Variants in CLYBL observed in about 807,000 individuals in gnomAD.
The protein encoded by CLYBL is citramalyl-CoA lyase, mitochondrial.
CLYBL carries 31 observed loss-of-function variants against 38.9 expected under a neutral mutation model. The ratio of observed to expected loss-of-function variants is 0.80; its 90% CI spans 0.60 to 1.08. The LOEUF is 1.08. Among genes scored for constraint, CLYBL ranks in the 50% least tolerant of loss-of-function variants. CLYBL has a pLI of 0.00. For missense variants in CLYBL, 434 were observed against 411.6 expected (o/e 1.05, Z -0.47); for synonymous variants, 171 against 158.6 (o/e 1.08, Z -0.59).
intron 1 of CLYBL, chr13:99,643,250 C>G (rs932049811): frequency 2.0e-5 from 3 of 152,668 alleles, no homozygotes; most frequent in African/African-American, 7.2e-5. Flanking sequence ...TGCCTCACTG[C>G]TCCGGTGCCA....
downstream of CLYBL, chr13:99,893,076 A>G (rs1297800768): frequency 6.6e-6 from 1 of 152,306 alleles, no homozygotes; most frequent in East Asian, 1.9e-4. Context: ...GAGATGGCAC[A>G]TGCTCCGTGG....
At chr13:99,794,581 T>TTTATTATTATTA (rs1221444900) in intron 2 of CLYBL, among the ~76,000 whole-genome samples, 41,980 of 143,654 alleles carry the variant, frequency 0.29, 7,478 homozygotes, top group Non-Finnish European at 0.41. Context: ...TATATTTTCA[T>TTTATTATTATTA]TTATTATTAT....
chr13:99,824,682 T>C (rs117372177), intron 2 of CLYBL, among the ~76,000 whole-genome samples: 2,187 of 152,224 alleles, frequency 0.014, 37 homozygotes, highest in African/African-American at 0.046. Context: ...TATCTCAGTC[T>C]GCACAAGTTT....
intron 1 of CLYBL, among the ~76,000 whole-genome samples, chr13:99,696,685 C>T (rs185117431): frequency 3.4e-4 from 51 of 151,908 alleles, no homozygotes; most frequent in Admixed American, 1.4e-3. Context: ...TAGCTTGTGC[C>T]TATAATCTCA....
intron 1 of CLYBL, among the ~76,000 whole-genome samples, chr13:99,633,210 CAA>C (rs59801603): frequency 0.093 from 5,757 of 61,934 alleles, 48 homozygotes; most frequent in Admixed American, 0.12. Context: ...GATCCTGTCT[CAA>C]AAAAAAAAAA....
chr13:99,828,485 A>T (rs1296186457), intron 2 of CLYBL, among the ~76,000 whole-genome samples: 1 of 152,236 alleles, frequency 6.6e-6, no homozygotes, highest in Non-Finnish European at 1.5e-5. Context: ...CTAAAATGGT[A>T]TCATTTCCTA....
intron 1 of CLYBL, among the ~76,000 whole-genome samples, chr13:99,688,594 G>A (rs185481772): frequency 1.7e-3 from 254 of 150,546 alleles, no homozygotes; most frequent in Non-Finnish European, 1.8e-3. Flanking sequence ...TCTTTAGTCC[G>A]ATTCTTTTTT....
chr13:99,659,941 A>G (rs1208403436), intron 1 of CLYBL, among the ~76,000 whole-genome samples: 2 of 152,164 alleles, frequency 1.3e-5, no homozygotes, highest in African/African-American at 4.8e-5. Flanking sequence ...GCATAATATC[A>G]CCTGGATTTA....
chr13:99,778,718 T>C (rs543622068), intron 2 of CLYBL, among the ~76,000 whole-genome samples: 1 of 152,194 alleles, frequency 6.6e-6, no homozygotes, highest in African/African-American at 2.4e-5. Flanking sequence ...CATGAGGAGG[T>C]GTGGGGCTGT....
chr13:99,888,007 G>A (rs959710276), intron 7 of CLYBL, among the ~76,000 whole-genome samples: 1 of 151,940 alleles, frequency 6.6e-6, no homozygotes, highest in African/African-American at 2.4e-5. Context: ...AGGCACCCAC[G>A]ACCATGCCCA....
chr13:99,875,197 A>G (rs1201719017), intron 7 of CLYBL, among the ~76,000 whole-genome samples: 1 of 152,216 alleles, frequency 6.6e-6, no homozygotes, highest in Non-Finnish European at 1.5e-5. Context: ...CAAGATCACT[A>G]CCTGGCCTAA....
At chr13:99,750,919 C>T (rs555221304) in intron 1 of CLYBL, among the ~76,000 whole-genome samples, 2 of 151,982 alleles carry the variant, frequency 1.3e-5, no homozygotes, top group East Asian at 1.9e-4. Flanking sequence ...TGGAAATGTA[C>T]GATGATATAG....
At chr13:99,690,863 T>C (rs1017341497) in intron 1 of CLYBL, 7 of 152,238 alleles carry the variant, frequency 4.6e-5, no homozygotes, top group Non-Finnish European at 1.0e-4. Context: ...AAAAAAGTTA[T>C]TTGAATAACA....
chr13:99,857,269 T>G (rs1440903951), intron 2 of CLYBL, among the ~76,000 whole-genome samples: 1 of 151,980 alleles, frequency 6.6e-6, no homozygotes, highest in Non-Finnish European at 1.5e-5. Context: ...GAGCCGAGAT[T>G]GCGCCACTGC....
intron 2 of CLYBL, among the ~76,000 whole-genome samples, chr13:99,854,701 T>G (rs974327532): frequency 6.6e-6 from 1 of 152,158 alleles, no homozygotes; most frequent in African/African-American, 2.4e-5. Flanking sequence ...GGGTGCCAAT[T>G]GAACCAACTG....
intron 2 of CLYBL, among the ~76,000 whole-genome samples, chr13:99,811,799 A>G (rs908592502): frequency 6.6e-6 from 1 of 152,190 alleles, no homozygotes; most frequent in African/African-American, 2.4e-5. Context: ...CCTGGGGGCT[A>G]TTCCATTTTG....
intron 1 of CLYBL, among the ~76,000 whole-genome samples, chr13:99,675,034 G>T (rs1340407941): frequency 6.6e-6 from 1 of 152,162 alleles, no homozygotes; most frequent in Admixed American, 6.5e-5. Flanking sequence ...AACATAGCCA[G>T]ACCAGACCCT....
At position 99,772,855 on chromosome 13, in the gene CLYBL, C is replaced by T. The variant is rs1399596375; in HGVS notation, c.94C>T (p.Leu32Phe). Residue 32 changes from leucine (L) to phenylalanine (F), a missense_variant, in exon 2 of 9, where the codon CTT becomes TTT. Physicochemically the swap from Leu to Phe is conservative, Grantham distance 22. Coordinates refer to ENST00000339105, the MANE Select transcript of CLYBL (RefSeq NM_206808.5). Reference sequence around the variant, plus strand: ...GTCTCTAGCAGCTGATATCCCCAGACTTGGATATAGTTCCTCATCCCATCA... The same window carrying T: ...GTCTCTAGCAGCTGATATCCCCAGATTTGGATATAGTTCCTCATCCCATCA... ...KASLAADIPR[L>F]GYSSSSHHKY... 63 of 1,610,134 alleles carry T rather than the reference C, an allele frequency of 3.9e-5. No homozygotes were observed. The highest frequency in any genetic ancestry group is 5.1e-5 in the Non-Finnish European group (60 of 1,179,248).
intron 1 of CLYBL, among the ~76,000 whole-genome samples, chr13:99,627,528 T>G (rs926436704): frequency 6.6e-6 from 1 of 152,182 alleles, no homozygotes; most frequent in Non-Finnish European, 1.5e-5. Context: ...TTAAGTTCAG[T>G]TTTGTTGGGT....
Sources: allele counts gnomAD v4.1 joint callset (sites outside exome capture counted in the v4.1 genomes callset), GRCh38; gene constraint gnomAD v4.1.1; transcripts MANE v1.5; gene names NCBI Gene and HGNC (gene_info 2026-07-23, HGNC 2026-07-21).